Variants in BPGM observed in about 807,000 individuals in gnomAD.
BPGM encodes 2,3-bisphosphoglycerate mutase, erythrocyte.
BPGM carries 15 observed loss-of-function variants against 21.6 expected under a neutral mutation model. The ratio of observed to expected loss-of-function variants is 0.70; its 90% confidence interval spans 0.47 to 1.07. The LOEUF is 1.07. Ranked by LOEUF, BPGM falls within the 50% of genes least tolerant of loss-of-function variation. BPGM has a pLI of 0.00. For missense variants in BPGM, 273 were observed against 319.0 expected (o/e 0.86, Z 1.10); for synonymous variants, 113 against 116.2 (o/e 0.97, Z 0.18).
intron 1 of BPGM, among the ~76,000 whole-genome samples, chr7:134,648,105 TTTTC>T (rs1267417199): frequency 6.1e-5 from 9 of 148,406 alleles, no homozygotes; most frequent in Non-Finnish European, 8.9e-5. Flanking sequence ...GCCTTGTCTT[TTTTC>T]TTTCTTTCTT....
intron 2 of BPGM, among the ~76,000 whole-genome samples, chr7:134,668,487 G>T (rs549490090): frequency 6.6e-6 from 1 of 152,210 alleles, no homozygotes; most frequent in Non-Finnish European, 1.5e-5. Flanking sequence ...ATAACATTGT[G>T]GTCTGAATGG....
At chr7:134,649,561 A>C (rs1245683098) in intron 1 of BPGM, among the ~76,000 whole-genome samples, 8 of 152,222 alleles carry the variant, frequency 5.3e-5, no homozygotes, top group African/African-American at 1.9e-4. Flanking sequence ...CTTGGAATGA[A>C]ATCTGATATG....
At chr7:134,674,423 A>G (rs373962938) in intron 2 of BPGM, among the ~76,000 whole-genome samples, 1 of 152,054 alleles carries the variant, frequency 6.6e-6, no homozygotes, top group Non-Finnish European at 1.5e-5. Context: ...TATTCCACCC[A>G]GCCCTGGGCA....
chr7:134,664,849 A>T (rs145089052), intron 2 of BPGM, among the ~76,000 whole-genome samples: 1 of 152,352 alleles, frequency 6.6e-6, no homozygotes, highest in East Asian at 1.9e-4. Context: ...AAGGGATCAC[A>T]TATTAGAGGA....
intron 2 of BPGM, among the ~76,000 whole-genome samples, chr7:134,671,188 T>G (rs552550563): frequency 6.6e-6 from 1 of 152,180 alleles, no homozygotes; most frequent in Non-Finnish European, 1.5e-5. Context: ...CTAAATCAGG[T>G]CTTGTTCATG....
At chr7:134,659,161 G>A (rs1795689092) in intron 1 of BPGM, among the ~76,000 whole-genome samples, 1 of 152,108 alleles carries the variant, frequency 6.6e-6, no homozygotes, top group South Asian at 2.1e-4. Context: ...GATAAACTGA[G>A]GGTGAAGGTA....
intron 1 of BPGM, 171 bp downstream of exon 1, chr7:134,647,108 G>C (rs1253562344): frequency 1.3e-5 from 2 of 153,060 alleles, no homozygotes; most frequent in African/African-American, 4.8e-5. Context: ...TTATCGCCCC[G>C]GTCCCTTTCC....
intron 2 of BPGM, among the ~76,000 whole-genome samples, chr7:134,676,377 A>G (rs1240828752): frequency 6.6e-6 from 1 of 152,252 alleles, no homozygotes; most frequent in African/African-American, 2.4e-5. Context: ...TTAGTCAAAC[A>G]TGGTCACTTT....
chr7:134,665,001 A>C (rs561541026), intron 2 of BPGM, among the ~76,000 whole-genome samples: 2 of 152,334 alleles, frequency 1.3e-5, no homozygotes, highest in South Asian at 4.1e-4. Context: ...GGTGATAAAA[A>C]TATTCTAAAA....
chr7:134,675,567 A>T (rs1331807220), intron 2 of BPGM, among the ~76,000 whole-genome samples: 1 of 152,096 alleles, frequency 6.6e-6, no homozygotes, highest in Non-Finnish European at 1.5e-5. Context: ...AAAAAATATG[A>T]GGGTTTATTT....
intron 1 of BPGM, among the ~76,000 whole-genome samples, chr7:134,656,297 G>T (rs1408381554): frequency 6.6e-6 from 1 of 152,208 alleles, no homozygotes; most frequent in Non-Finnish European, 1.5e-5. Flanking sequence ...TTGAAATGTG[G>T]CTGGTTCACA....
intron 1 of BPGM, among the ~76,000 whole-genome samples, chr7:134,647,781 G>C (rs1234898085): frequency 6.6e-6 from 1 of 152,116 alleles, no homozygotes; most frequent in African/African-American, 2.4e-5. Flanking sequence ...CAGAACTCAT[G>C]TCAATTTGTC....
chr7:134,649,171 A>T lies in BPGM; in HGVS notation c.-62+2234A>T, dbSNP rs574057874. On this transcript the variant is annotated intron_variant, in intron 1 of 2. Transcript: ENST00000344924. ...TAGTTATTTGAAAATTTACAATTAAATTGTTTTTTTTTTTACTATAGTCAC... is the reference window on the plus strand; with the variant it reads ...TAGTTATTTGAAAATTTACAATTAATTTGTTTTTTTTTTTACTATAGTCAC... Among the ~76,000 whole-genome samples the T allele has an allele frequency of 1.7e-3, 249 of 146,100 alleles. 3 individuals are homozygous for T. Among genetic ancestry groups the T allele is most frequent in the African/African-American group, 6.2e-3 (238 of 38,624 alleles).
In BPGM at chr7:134,679,448, A is replaced by G; in HGVS notation, c.*417A>G. On this transcript the variant is annotated 3_prime_UTR_variant, in exon 3 of 3. Coordinates refer to ENST00000344924, the MANE Select transcript of BPGM (RefSeq NM_001724.5). Reference sequence around the variant, plus strand: ...ATTTTCTGGGATAACAGTAAGGGATATTAGATAATATACCGTATGTATTTA... The same window carrying G: ...ATTTTCTGGGATAACAGTAAGGGATGTTAGATAATATACCGTATGTATTTA... The G allele has an allele frequency of 5.3e-6, 1 of 188,992 alleles. No homozygotes were observed. The allele number at this position is 188,992 out of a possible 1,614,324, so 11.7% of individuals were successfully genotyped here.
chr7:134,651,864 C>T (rs948134246), intron 1 of BPGM, among the ~76,000 whole-genome samples: 3 of 152,208 alleles, frequency 2.0e-5, no homozygotes, highest in African/African-American at 7.2e-5. Flanking sequence ...AAAGCAATTA[C>T]ATAGCACCTA....
chr7:134,661,239 C>G lies in BPGM; in HGVS notation c.-61-208C>G, dbSNP rs1382299081. ...TGCAATTAACATGCTATCCAAACAT[C>G]AGAAAATTTAAGTCAACTAGATTCC... On this transcript the variant is annotated intron_variant, in intron 1 of 2. Transcript: ENST00000344924. The surrounding 1 kb of genome is among the most constrained non-coding windows in gnomAD (Gnocchi z 4.6). Among the ~76,000 whole-genome samples, 1 of 152,192 alleles carries G rather than the reference C, an allele frequency of 6.6e-6. No individual in the cohort carries two copies. Among genetic ancestry groups the G allele is most frequent in the Non-Finnish European group, 1.5e-5 (1 of 68,034 alleles).
Position 134,661,384 on chromosome 7 carries a change from G to C in BPGM, c.-61-63G>C. 7.0e-7 allele frequency: 1 copy of C among 1,418,752 alleles called. No individual in the cohort carries two copies. The highest frequency in any genetic ancestry group is 2.2e-4 in the Middle Eastern group (1 of 4,538). 87.9% of individuals were successfully genotyped at this position (1,418,752 alleles called of 1,614,324 possible). ...TTTTAGAAATTGGGTGTTGTAAAGC[G>C]ATGTTTCTATTCCTAGATTGTCAGT... On this transcript the variant is annotated intron_variant, in intron 1 of 2. Transcript: ENST00000344924. This position sits in a 1 kb window ranked among gnomAD's most constrained non-coding sequence, Gnocchi z 4.6.
chr7:134,661,568 C>G lies in BPGM; in HGVS notation c.61C>G (p.Arg21Gly), dbSNP rs545372800. Residue 21 changes from arginine to glycine, a missense_variant, in exon 2 of 3, where the codon CGT (arginine) becomes GGT (glycine). By Grantham distance (125) the Arg-to-Gly change is moderately radical (BLOSUM62 -2). Coordinates refer to ENST00000344924, the MANE Select transcript of BPGM (RefSeq NM_001724.5). The surrounding 1 kb of genome is among the most constrained non-coding windows in gnomAD (Gnocchi z 4.6). ...HGEGAWNKEN[R>G]FCSWVDQKLN... The stretch of plus-strand genomic sequence containing the variant: ...AGAGGGTGCTTGGAATAAGGAGAAC[C>G]GTTTTTGTAGCTGGGTGGATCAGAA... 3 of 1,614,086 alleles carry G rather than the reference C, an allele frequency of 1.9e-6. No individual in the cohort carries two copies. The highest frequency in any genetic ancestry group is 3.3e-5 in the Admixed American group (2 of 60,016).
chr7:134,657,965 T>C (rs1472122124), intron 1 of BPGM, among the ~76,000 whole-genome samples: 6 of 151,868 alleles, frequency 4.0e-5, no homozygotes, highest in African/African-American at 1.2e-4. Flanking sequence ...CTAGGGGAGG[T>C]TTCCCTTTAA....
Sources: gnomAD v4.1 joint callset for allele counts (sites outside exome capture counted in the v4.1 genomes callset) on GRCh38, gnomAD v4.1.1 for gene constraint, Gnocchi (gnomAD v3.1) non-coding constraint, MANE v1.5 for transcripts, NCBI Gene and HGNC (gene_info 2026-07-23, HGNC 2026-07-21) for gene names.